BBS12: variants seen among roughly 807,000 people sequenced by gnomAD.
BBS12 encodes the protein chaperonin-containing T-complex member BBS12.
BBS12 carries 5 observed loss-of-function variants against 5.6 expected under a neutral mutation model. The observed-to-expected ratio is 0.89, with a 90% CI of 0.46 to 1.86. BBS12 has a LOEUF of 1.86. Among genes scored for constraint, BBS12 ranks in the 40% most tolerant of loss-of-function variants. BBS12 has a pLI of 0.01. For synonymous variants in BBS12, 308 were observed against 306.8 expected, an observed-to-expected ratio of 1.00 and a Z score of -0.04; for missense variants, 748 against 830.4, an observed-to-expected ratio of 0.90 and a Z score of 1.22.
At chr4:122,711,994 G>C in the BBS12 span, among the ~76,000 whole-genome samples, 1 of 152,232 alleles carries the variant, frequency 6.6e-6, no homozygotes, top group Non-Finnish European at 1.5e-5. Context: ...CTCTCTCTCA[G>C]AGCTGGGGTA....
chr4:122,728,546 A>C (rs1400772389), upstream of BBS12: 1 of 152,222 alleles, frequency 6.6e-6, no homozygotes, highest in Non-Finnish European at 1.5e-5. Flanking sequence ...GGAGACTTTT[A>C]TTCAGAACTT....
upstream of BBS12, chr4:122,730,821 T>G (rs1800687635): frequency 6.6e-6 from 1 of 152,280 alleles, no homozygotes; most frequent in South Asian, 2.1e-4. Context: ...AAAATCTACC[T>G]GAAGTTCATC....
Position 122,742,180 on chromosome 4 carries a change from C to T in BBS12, c.288C>T (p.Ser96=). Residue 96 remains serine, a synonymous_variant, in exon 2 of 2, where the codon AGC becomes AGT. Transcript: ENST00000314218. ...TTTTGTTTCTTGTTGGTGCTTGGAG[C>T]AGTGCAGTTGAAGAATGTCTTCATC... The part of the protein sequence containing the change: ...STLLFLVGAW[S]SAVEECLHLG... The T allele has an allele frequency of 6.2e-7, 1 of 1,613,872 alleles. No homozygotes were observed. The highest frequency in any genetic ancestry group is 8.5e-7 in the Non-Finnish European group (1 of 1,180,006).
At chr4:122,727,544 A>ATTTTTTTTTTT in the BBS12 span, among the ~76,000 whole-genome samples, 20 of 82,290 alleles carry the variant, frequency 2.4e-4, 5 homozygotes, top group East Asian at 1.9e-3. Context: ...CCCCTGGCCA[A>ATTTTTTTTTTT]TTTTTTTTTT....
In BBS12 at chr4:122,743,006, T is replaced by C; in HGVS notation, c.1114T>C (p.Phe372Leu). Reference sequence around the variant, plus strand: ...CACAGAGAATTACCGCCACCTGGGATTTAATAAGTCTGCAAATATTAAAAC... The same window carrying C: ...CACAGAGAATTACCGCCACCTGGGACTTAATAAGTCTGCAAATATTAAAAC... ...DLTENYRHLGFNKSANIKTVL... is the reference protein window; with the variant it reads ...DLTENYRHLGLNKSANIKTVL... Residue 372 changes from phenylalanine to leucine, a missense_variant, in exon 2 of 2, where the codon TTT becomes CTT. Transcript: ENST00000314218. 6.2e-7 allele frequency: 1 copy of C among 1,613,908 alleles called. No individual in the cohort carries two copies. Among genetic ancestry groups the C allele is most frequent in the South Asian group, 1.1e-5 (1 of 91,086 alleles).
the BBS12 span, among the ~76,000 whole-genome samples, chr4:122,712,462 A>T: frequency 6.6e-6 from 1 of 152,218 alleles, no homozygotes; most frequent in Non-Finnish European, 1.5e-5. Context: ...GCTAATTACT[A>T]TTGGCATTTT....
the BBS12 span, among the ~76,000 whole-genome samples, chr4:122,708,521 A>G: frequency 6.6e-6 from 1 of 152,182 alleles, no homozygotes; most frequent in Non-Finnish European, 1.5e-5. Flanking sequence ...TTCACCTGAC[A>G]TATATGGTAT....
At chr4:122,707,969 C>CT in the BBS12 span, among the ~76,000 whole-genome samples, 28 of 148,444 alleles carry the variant, frequency 1.9e-4, no homozygotes, top group South Asian at 2.1e-4. Flanking sequence ...TCCTTCCTTC[C>CT]TTCCTTTCTT....
upstream of BBS12, chr4:122,730,258 A>C (rs551252312): frequency 1.3e-5 from 2 of 152,332 alleles, no homozygotes; most frequent in Admixed American, 6.5e-5. Flanking sequence ...ACTTCATCAA[A>C]CTTTAAAATT....
chr4:122,733,420 C>CACACACACAT, intron 1 of BBS12, among the ~76,000 whole-genome samples: 1 of 144,664 alleles, frequency 6.9e-6, no homozygotes, highest in African/African-American at 2.7e-5. Context: ...CACACACACA[C>CACACACACAT]ACACATCCAG....
the BBS12 span, among the ~76,000 whole-genome samples, chr4:122,711,530 C>T: frequency 6.6e-6 from 1 of 152,250 alleles, no homozygotes; most frequent in Non-Finnish European, 1.5e-5. Flanking sequence ...GAAAGAATTC[C>T]AGCTGCCAGT....
the BBS12 span, among the ~76,000 whole-genome samples, chr4:122,707,790 G>A: frequency 4.6e-5 from 7 of 152,182 alleles, no homozygotes; most frequent in Middle Eastern, 3.4e-3. Context: ...TCTGCTGTGG[G>A]AGAGCATAAG....
the BBS12 span, among the ~76,000 whole-genome samples, chr4:122,724,085 G>A: frequency 7.9e-5 from 12 of 152,270 alleles, no homozygotes; most frequent in East Asian, 2.1e-3. Flanking sequence ...TCAAGATGGA[G>A]GACTATAGCA....
the BBS12 span, among the ~76,000 whole-genome samples, chr4:122,704,517 T>C: frequency 6.6e-6 from 1 of 152,204 alleles, no homozygotes; most frequent in Non-Finnish European, 1.5e-5. Context: ...AAACCACCTT[T>C]TCTTCCTCAT....
intron 1 of BBS12, among the ~76,000 whole-genome samples, chr4:122,736,206 A>C (rs1800781419): frequency 6.6e-6 from 1 of 152,188 alleles, no homozygotes; most frequent in South Asian, 2.1e-4. Context: ...TGAAATGGGT[A>C]GGCCTTGCAA....
Position 122,742,600 on chromosome 4 carries a change from T to C in BBS12, c.708T>C (p.His236=), listed in dbSNP as rs751682549. Residue 236 remains histidine (H), a synonymous_variant, in exon 2 of 2, where the codon CAT becomes CAC. Coordinates refer to ENST00000314218, the MANE Select transcript of BBS12 (RefSeq NM_152618.3). ...CRQSILIHSR[H]FNRTDNTEGV... ...AGTCAATACTAATCCACAGTAGGCA[T>C]TTTAATAGGACAGATAATACTGAAG... 1.2e-6 allele frequency: 2 copies of C among 1,614,206 alleles called. No homozygotes were observed. The highest frequency in any genetic ancestry group is 2.2e-5 in the South Asian group (2 of 91,078).
rs1800951664 is a variant in BBS12, at chr4:122,744,206, C to T, written c.*181C>T. 1.5e-6 allele frequency: 1 copy of T among 663,018 alleles called. No homozygotes were observed. Among genetic ancestry groups the T allele is most frequent in the Non-Finnish European group, 2.6e-6 (1 of 387,800 alleles). 41.1% of individuals were successfully genotyped at this position (663,018 alleles called of 1,614,324 possible). A position where few individuals can be genotyped will look rare whatever the true frequency, so the allele number is the denominator to read the frequency against. On this transcript the variant is annotated 3_prime_UTR_variant, in exon 2 of 2. Transcript: ENST00000314218. ...CCCTACTTATAAGCTAACAAGTTAG[C>T]CTGTTACTGTTTCGTGGGATGCTAC...
chr4:122,717,069 C>G, the BBS12 span, among the ~76,000 whole-genome samples: 1 of 152,170 alleles, frequency 6.6e-6, no homozygotes, highest in East Asian at 1.9e-4. Flanking sequence ...GGACCAACCC[C>G]TATTCCAGTG....
chr4:122,734,269 C>G (rs1167846787), intron 1 of BBS12, among the ~76,000 whole-genome samples: 1 of 151,362 alleles, frequency 6.6e-6, no homozygotes, highest in East Asian at 1.9e-4. Flanking sequence ...CAAGGTCATA[C>G]ACTTTTTTTT....
Sources: gnomAD v4.1 joint callset for allele counts (sites outside exome capture counted in the v4.1 genomes callset) on GRCh38, gnomAD v4.1.1 for gene constraint, MANE v1.5 for transcripts, NCBI Gene and HGNC (gene_info 2026-07-23, HGNC 2026-07-21) for gene names.